The following SMPD2 variants were observed in gnomAD, a reference collection of about 807,000 sequenced individuals.
SMPD2 encodes N-SMase.
SMPD2 carries 35 observed loss-of-function variants against 41.7 expected under a neutral mutation model. The observed-to-expected ratio is 0.84, with a 90% CI of 0.64 to 1.11. SMPD2 has a LOEUF of 1.11. Ranked by LOEUF, SMPD2 falls within the 50% of genes most tolerant of loss-of-function variation. The pLI is 0.00. For missense variants in SMPD2, 520 were observed against 524.8 expected (o/e 0.99, Z 0.09); for synonymous variants, 201 against 208.2 (o/e 0.97, Z 0.30).
intron 1 of SMPD2, 74 bp downstream of exon 1, chr6:109,441,245 C>A: frequency 6.3e-7 from 1 of 1,595,146 alleles, no homozygotes; most frequent in South Asian, 1.1e-5. Context: ...CCCCCTATCC[C>A]GCCCCACGAT....
chr6:109,440,906 G>C lies in SMPD2; in HGVS notation c.-216G>C, dbSNP rs1415177480. Reference sequence around the variant, plus strand: ...GATTTCGGCAGCGGATCGCCTTTCCGGGTTGGCGGCCCGCCTGATTGGGAA... The same window carrying C: ...GATTTCGGCAGCGGATCGCCTTTCCCGGTTGGCGGCCCGCCTGATTGGGAA... On this transcript the variant is annotated 5_prime_UTR_variant, in exon 1 of 10. Transcript: ENST00000258052. 1 of 566,402 alleles carries C rather than the reference G, an allele frequency of 1.8e-6. No homozygotes were observed. The highest frequency in any genetic ancestry group is 2.0e-5 in the African/African-American group (1 of 49,522). The allele number at this position is 566,402 out of a possible 1,614,324, so 35.1% of individuals were successfully genotyped here. A position where few individuals can be genotyped will look rare whatever the true frequency, so the allele number is the denominator to read the frequency against.
rs1172373986 is a variant in SMPD2 at position 109,442,202 on chromosome 6, G to A, written c.319-8G>A. ...GTGCCCTGAGTTTCTATCTCCTCCT[G>A]CCTGCAGATCCATCATGGTGACTGG... On this transcript the variant is annotated splice_region_variant and splice_polypyrimidine_tract_variant and intron_variant, in intron 4 of 9. Transcript: ENST00000258052. 2 of 1,613,782 alleles carry A rather than the reference G, an allele frequency of 1.2e-6. No individual in the cohort carries two copies. The highest frequency in any genetic ancestry group is 2.7e-5 in the African/African-American group (2 of 74,914).
rs1437309118 is a variant in SMPD2 at position 109,443,768 on chromosome 6, G to A, written c.1135G>A (p.Val379Ile). The change falls in exon 10 of 10, where the codon GTC becomes ATC. Residue 379 changes from valine (V) to isoleucine (I), a missense_variant. By Grantham distance (29) the Val-to-Ile change is conservative. Transcript: ENST00000258052. ...ATTCTACCTCTTCCACGTACAGGAG[G>A]TCAATGGCTTATATAGGGCCCAGGC... The part of the protein sequence containing the change: ...GAFYLFHVQE[V>I]NGLYRAQAEL... The A allele has an allele frequency of 1.2e-6, 2 of 1,614,082 alleles. No homozygotes were observed. The highest frequency in any genetic ancestry group is 1.7e-5 in the Admixed American group (1 of 60,012).
At position 109,440,752 on chromosome 6, in the gene SMPD2, C is replaced by T. The variant is rs1431135496; in HGVS notation, c.-370C>T. On this transcript the variant is annotated 5_prime_UTR_variant, in exon 1 of 10. Transcript: ENST00000258052. ...CAACTTTGCGCCTGTTGCTGGGCCG[C>T]CGGCGCGCGGGCGGCCGCGACCGCC... is the stretch of plus-strand genomic sequence containing the variant. The T allele has an allele frequency of 5.0e-6, 2 of 396,082 alleles. No individual in the cohort carries two copies. The highest frequency in any genetic ancestry group is 4.3e-5 in the African/African-American group (2 of 46,612). The allele number at this position is 396,082 out of a possible 1,614,324, so 24.5% of individuals were successfully genotyped here.
In SMPD2 at chr6:109,443,014, G is replaced by T. The variant is rs1258938854; in HGVS notation, c.662G>T (p.Cys221Phe). ...GGCAACACAATGGTACCCAAGAACTGCTACGTCAGCCAGCAGGAGCTGAAG... is the reference window on the plus strand; with the variant it reads ...GGCAACACAATGGTACCCAAGAACTTCTACGTCAGCCAGCAGGAGCTGAAG... ...EEGNTMVPKN[C>F]YVSQQELKPF... Residue 221 changes from cysteine to phenylalanine, a missense_variant, in exon 8 of 10, where the codon TGC becomes TTC. Transcript: ENST00000258052. The T allele has an allele frequency of 6.2e-6, 10 of 1,614,220 alleles. No homozygotes were observed. Among genetic ancestry groups the T allele is most frequent in the Non-Finnish European group, 8.5e-6 (10 of 1,180,040 alleles).
chr6:109,443,225 G>A (rs1400415942), intron 8 of SMPD2, 42 bp from the exon 9 acceptor site: 6 of 1,607,886 alleles, frequency 3.7e-6, no homozygotes, highest in Non-Finnish European at 5.1e-6. Flanking sequence ...CTGGGAAGAG[G>A]CCCTCATATA....
At position 109,442,564 on chromosome 6, in the gene SMPD2, C is replaced by T; in HGVS notation, c.430C>T (p.Gln144Ter). ...TCAGCTCCATGCCGAATACAATCGA[C>T]AGAAGGACATCTACCTAGCACATCG... ...VTHLHAEYNR[Q>*]KDIYLAHRVA... The change falls in exon 6 of 10, where the codon CAG becomes TAG. Residue 144 changes from glutamine to a stop codon, truncating the protein, a stop_gained. Coordinates refer to ENST00000258052, the MANE Select transcript of SMPD2 (RefSeq NM_003080.3). LOFTEE classifies it high-confidence loss of function. 6.2e-7 allele frequency: 1 copy of T among 1,613,680 alleles called. No homozygotes were observed.
chr6:109,443,516 G>A lies in SMPD2; in HGVS notation c.884-1G>A, dbSNP rs1467403598. The A allele has an allele frequency of 1.2e-6, 2 of 1,609,222 alleles. No individual in the cohort carries two copies. The highest frequency in any genetic ancestry group is 1.3e-5 in the African/African-American group (1 of 74,876). On this transcript the variant is annotated splice_acceptor_variant, in intron 9 of 9. Transcript: ENST00000258052. LOFTEE classifies it high-confidence loss of function. ...TGCCCCACTGCCCTGCTCTGTTGTA[G>A]GACCAGCAGAGAGGTCGCCGTTGAT...
rs200802524 is a variant in SMPD2, at chr6:109,442,509, T to A, written c.409-34T>A. 2.5e-4 allele frequency: 400 copies of A among 1,575,786 alleles called. 2 individuals carry two copies. In the African/African-American group the frequency reaches 5.0e-3, roughly 20 times the overall value. ...TCAGACATACCCCTGGGACCCTCAG[T>A]CTTATCTGCTGTGATCTCATCTATC... On this transcript the variant is annotated intron_variant, in intron 5 of 9. Transcript: ENST00000258052.
At chr6:109,441,715 A>G in intron 3 of SMPD2, 87 bp downstream of exon 3, 2 of 1,214,464 alleles carry the variant, frequency 1.6e-6, no homozygotes, top group South Asian at 1.2e-5. Context: ...TGCACTCTCC[A>G]GTCTCCTCCA....
At chr6:109,443,204 G>A (rs1775027871) in intron 8 of SMPD2, 63 bp from the exon 9 acceptor site, 3 of 1,592,780 alleles carry the variant, frequency 1.9e-6, no homozygotes, top group African/African-American at 1.3e-5. Context: ...GGGTAGCCGG[G>A]AGCTGGTTCT....
rs1456229821 is a variant in SMPD2 at position 109,441,195 on chromosome 6, T to G, written c.50+24T>G. The G allele has an allele frequency of 1.4e-5, 22 of 1,613,556 alleles. 1 individual carries two copies. The Admixed American group carries it at 3.7e-4, about 27-fold the overall frequency. ...TGGTGAGTGCGTCTGCGGAGTGCGG[T>G]CTGGGGGCCACCTTCCGTTCGCACC... On this transcript the variant is annotated intron_variant, in intron 1 of 9. Coordinates refer to ENST00000258052, the MANE Select transcript of SMPD2 (RefSeq NM_003080.3).
chr6:109,441,291 C>T, intron 1 of SMPD2, 66 bp from the exon 2 acceptor site: 1 of 1,584,452 alleles, frequency 6.3e-7, no homozygotes, highest in African/African-American at 1.3e-5. Flanking sequence ...CTCCAAAGTC[C>T]ACATCTGGCC....
rs372434126 is a variant in SMPD2, at chr6:109,443,456, C to T, written c.883+36C>T. 4.7e-5 allele frequency: 76 copies of T among 1,610,872 alleles called. No individual in the cohort carries two copies. The African/African-American group carries it at 5.9e-4, about 12-fold the overall frequency. On this transcript the variant is annotated intron_variant, in intron 9 of 9. Coordinates refer to ENST00000258052, the MANE Select transcript of SMPD2 (RefSeq NM_003080.3). Reference sequence around the variant, plus strand: ...CCCACCCTTTCCTTGGCCCTTGCCCCGCTTGAAGCAGCCCTTCCACTCTTG... The same window carrying T: ...CCCACCCTTTCCTTGGCCCTTGCCCTGCTTGAAGCAGCCCTTCCACTCTTG...
chr6:109,442,334 T>G (rs1190014870), intron 5 of SMPD2, 35 bp downstream of exon 5: 16 of 1,566,906 alleles, frequency 1.0e-5, no homozygotes, highest in Non-Finnish European at 1.2e-5. Flanking sequence ...GGCTGGGACA[T>G]GCAGCCCAGT....
rs1397125655 is a variant in SMPD2 at position 109,441,162 on chromosome 6, T to C, written c.41T>C (p.Leu14Pro). Residue 14 changes from leucine (L) to proline (P), a missense_variant, in exon 1 of 10, where the codon CTC (leucine) becomes CCC (proline). Leu to Pro is a moderately conservative substitution (Grantham distance 98). Coordinates refer to ENST00000258052, the MANE Select transcript of SMPD2 (RefSeq NM_003080.3). ...NFSLRLRIFN[L>P]NCWGIPYLSK... ...TCCCTGCGACTGCGGATCTTCAACC[T>C]CAACTGCTGGTGAGTGCGTCTGCGG... is the stretch of plus-strand genomic sequence containing the variant. 6.2e-7 allele frequency: 1 copy of C among 1,614,094 alleles called. No individual in the cohort carries two copies.
In SMPD2 at chr6:109,440,775, G is replaced by A; in HGVS notation, c.-347G>A. The stretch of plus-strand genomic sequence containing the variant: ...CGCCGGCGCGCGGGCGGCCGCGACC[G>A]CCGGGGACGAGCTTGGAGGAAAAGG... On this transcript the variant is annotated 5_prime_UTR_variant, in exon 1 of 10. Transcript: ENST00000258052. 1 of 335,574 alleles carries A rather than the reference G, an allele frequency of 3.0e-6. No individual in the cohort carries two copies. 20.8% of individuals were successfully genotyped at this position (335,574 alleles called of 1,614,324 possible).
chr6:109,443,605 C>T lies in SMPD2; in HGVS notation c.972C>T (p.Ala324=). The T allele has an allele frequency of 6.2e-7, 1 of 1,613,918 alleles. No homozygotes were observed. The highest frequency in any genetic ancestry group is 8.5e-7 in the Non-Finnish European group (1 of 1,179,986). The part of the protein sequence containing the change: ...GLGMAQARWW[A]TFASYVIGLG... ...GCATGGCTCAGGCTCGCTGGTGGGC[C>T]ACCTTCGCTAGCTATGTGATTGGCC... Residue 324 remains alanine (A), a synonymous_variant, in exon 10 of 10, where the codon GCC becomes GCT. Transcript: ENST00000258052.
In SMPD2 at chr6:109,442,239, G is replaced by T. The variant is rs1317533469; in HGVS notation, c.348G>T (p.Lys116Asn). ...ATCATGGTGACTGGTTCAGTGGGAA[G>T]GCTGTGGGGCTGCTGGTGCTCCATC... Reference protein sequence around the residue: ...MIHHGDWFSGKAVGLLVLHLS... With the variant: ...MIHHGDWFSGNAVGLLVLHLS... Residue 116 changes from lysine to asparagine, a missense_variant, in exon 5 of 10, where the codon AAG (lysine) becomes AAT (asparagine). Physicochemically the swap from Lys to Asn is moderately conservative, Grantham distance 94 (BLOSUM62 0). Coordinates refer to ENST00000258052, the MANE Select transcript of SMPD2 (RefSeq NM_003080.3). The T allele has an allele frequency of 1.2e-6, 2 of 1,614,214 alleles. No individual in the cohort carries two copies. Among genetic ancestry groups the T allele is most frequent in the Non-Finnish European group, 1.7e-6 (2 of 1,180,032 alleles).
Sources: allele counts gnomAD v4.1 joint callset, GRCh38; gene constraint gnomAD v4.1.1; transcripts MANE v1.5; gene names NCBI Gene and HGNC (gene_info 2026-07-23, HGNC 2026-07-21).